BRINP3: variants seen among roughly 807,000 people sequenced by gnomAD.
BRINP3 encodes BMP/retinoic acid inducible neural specific 3.
BRINP3 carries 19 observed loss-of-function variants against 71.0 expected under a neutral mutation model. That is an observed-to-expected ratio of 0.27 (90% CI 0.19 to 0.39). BRINP3 has a LOEUF of 0.39. BRINP3 is among the 10% of genes least tolerant of loss of function. The probability of loss-of-function intolerance (pLI) is 1.00; values close to 1 mark genes in which losing one functional copy is unlikely to be tolerated. For synonymous variants in BRINP3, 380 were observed against 337.7 expected, an observed-to-expected ratio of 1.13 and a Z score of -1.37; for missense variants, 959 against 940.8, an observed-to-expected ratio of 1.02 and a Z score of -0.25.
Position 190,098,973 on chromosome 1 carries a change from C to T in BRINP3, c.1346G>A (p.Cys449Tyr), listed in dbSNP as rs1167226985. 6.2e-7 allele frequency: 1 copy of T among 1,614,144 alleles called. No individual in the cohort carries two copies. ...GCGGTTGTCTGGTGCGCATGTCAGG[C>T]AGGCAGAGGCGTCTCCCACTGTGCA... ...LPCTVGDASA[C>Y]LTCAPDNRTR... Residue 449 changes from cysteine to tyrosine, a missense_variant, in exon 8 of 8, where the codon TGC becomes TAC. Physicochemically the swap from Cys to Tyr is radical, Grantham distance 194 (BLOSUM62 -2). Coordinates refer to ENST00000367462, the MANE Select transcript of BRINP3 (RefSeq NM_199051.3).
chr1:190,215,175 A>AT (rs1310528075), intron 6 of BRINP3, among the ~76,000 whole-genome samples: 1 of 151,440 alleles, frequency 6.6e-6, no homozygotes, highest in South Asian at 2.1e-4. Flanking sequence ...CATTGACCTG[A>AT]TTTTTTATAT....
At chr1:190,166,958 C>T (rs1340718934) in intron 6 of BRINP3, among the ~76,000 whole-genome samples, 1 of 152,030 alleles carries the variant, frequency 6.6e-6, no homozygotes, top group Non-Finnish European at 1.5e-5. Flanking sequence ...CTCCTGACCT[C>T]GGGTGATCTG....
At chr1:190,243,187 A>G (rs1285847533) in intron 4 of BRINP3, among the ~76,000 whole-genome samples, 1 of 152,118 alleles carries the variant, frequency 6.6e-6, no homozygotes, top group Non-Finnish European at 1.5e-5. Context: ...AATAAGCAAA[A>G]CTGGACACAA....
chr1:190,393,529 G>C (rs745357816), intron 2 of BRINP3, among the ~76,000 whole-genome samples: 1 of 151,298 alleles, frequency 6.6e-6, no homozygotes, highest in Non-Finnish European at 1.5e-5. Context: ...ATATAACAAC[G>C]GTGAATGGAA....
intron 6 of BRINP3, among the ~76,000 whole-genome samples, chr1:190,164,555 C>A (rs1651310861): frequency 6.6e-6 from 1 of 151,922 alleles, no homozygotes; most frequent in African/African-American, 2.4e-5. Context: ...ATTATCAATA[C>A]ACCAAGTACA....
intron 2 of BRINP3, among the ~76,000 whole-genome samples, chr1:190,352,435 T>A (rs886368458): frequency 2.0e-5 from 3 of 151,910 alleles, no homozygotes; most frequent in Admixed American, 2.0e-4. Context: ...AAAGACAGTA[T>A]CACACAAAGT....
At position 190,453,201 on chromosome 1, in the gene BRINP3, G is replaced by GT. The variant is rs745819844; in HGVS notation, c.236+1453dup. On this transcript the variant is annotated intron_variant, in intron 2 of 7. Transcript: ENST00000367462. ...CTACTTTTCAGAAAGAAAAACTTTA[G>GT]TATTTTTTTTTTTTTTTTTTTTTTT... Among the ~76,000 whole-genome samples the GT allele has an allele frequency of 8.7e-3, 328 of 37,866 alleles. 30 individuals carry two copies. Among genetic ancestry groups the GT allele is most frequent in the Middle Eastern group, 0.023 (1 of 44 alleles). 24.8% of individuals were successfully genotyped at this position (37,866 alleles called of 152,430 possible).
intron 1 of BRINP3, among the ~76,000 whole-genome samples, chr1:190,460,857 G>C (rs1001772755): frequency 6.6e-6 from 1 of 152,016 alleles, no homozygotes; most frequent in African/African-American, 2.4e-5. Flanking sequence ...CTGTCCTCAA[G>C]TTCTGTACAT....
At chr1:190,298,122 G>A (rs1359505426) in intron 2 of BRINP3, among the ~76,000 whole-genome samples, 1 of 151,994 alleles carries the variant, frequency 6.6e-6, no homozygotes, top group African/African-American at 2.4e-5. Flanking sequence ...AGTGTATAGA[G>A]TTTTCACGGT....
At chr1:190,412,387 T>C (rs1285532227) in intron 2 of BRINP3, among the ~76,000 whole-genome samples, 1 of 63,020 alleles carries the variant, frequency 1.6e-5, no homozygotes, top group African/African-American at 4.8e-5. Context: ...AGAAAAGATA[T>C]ATATATATTA....
At chr1:190,462,776 T>C (rs1040933274) in intron 1 of BRINP3, among the ~76,000 whole-genome samples, 1 of 152,088 alleles carries the variant, frequency 6.6e-6, no homozygotes, top group Non-Finnish European at 1.5e-5. Context: ...TGTACTCTAC[T>C]GTAACCTAAA....
chr1:190,224,494 T>C (rs1657161386), intron 6 of BRINP3, among the ~76,000 whole-genome samples: 1 of 151,864 alleles, frequency 6.6e-6, no homozygotes, highest in African/African-American at 2.4e-5. Context: ...AAATAAATTA[T>C]AGACTTAAAT....
At chr1:190,215,433 C>G (rs921637638) in intron 6 of BRINP3, among the ~76,000 whole-genome samples, 1 of 151,810 alleles carries the variant, frequency 6.6e-6, no homozygotes, top group African/African-American at 2.4e-5. Context: ...AGTTAAAATT[C>G]AAATATTTTA....
At chr1:190,260,724 A>T (rs1013178058) in intron 4 of BRINP3, among the ~76,000 whole-genome samples, 2 of 152,102 alleles carry the variant, frequency 1.3e-5, no homozygotes, top group Non-Finnish European at 2.9e-5. Context: ...TAATTTCAGA[A>T]ATGTAAATTT....
chr1:190,399,763 C>T (rs1414309940), intron 2 of BRINP3, among the ~76,000 whole-genome samples: 1 of 151,940 alleles, frequency 6.6e-6, no homozygotes, highest in African/African-American at 2.4e-5. Flanking sequence ...GAAATTTAGT[C>T]TATTACAATT....
At chr1:190,402,722 C>T (rs755441494) in intron 2 of BRINP3, among the ~76,000 whole-genome samples, 1 of 152,082 alleles carries the variant, frequency 6.6e-6, no homozygotes, top group Non-Finnish European at 1.5e-5. Flanking sequence ...ATTTGTTCTT[C>T]ATTTATTTAT....
intron 7 of BRINP3, among the ~76,000 whole-genome samples, chr1:190,114,368 T>C (rs1652948448): frequency 6.6e-6 from 1 of 152,124 alleles, no homozygotes; most frequent in Non-Finnish European, 1.5e-5. Context: ...GTATTTATAA[T>C]AATGCAAGAA....
rs1671681023 is a variant in BRINP3 at position 190,397,881 on chromosome 1, T to C, written c.236+56774A>G. Among the ~76,000 whole-genome samples the C allele has an allele frequency of 2.0e-5, 3 of 152,010 alleles. No individual in the cohort carries two copies. The South Asian group carries it at 6.2e-4, about 31-fold the overall frequency. ...GTTGACATTTTTCTGAGTAATTATT[T>C]TACTCTGTGAAAAAATTCCCTAATC... On this transcript the variant is annotated intron_variant, in intron 2 of 7. Coordinates refer to ENST00000367462, the MANE Select transcript of BRINP3 (RefSeq NM_199051.3).
intron 2 of BRINP3, among the ~76,000 whole-genome samples, chr1:190,296,167 T>C (rs114847260): frequency 0.01 from 1,576 of 151,878 alleles, 25 homozygotes; most frequent in African/African-American, 0.035. Context: ...ATTCTTGAAG[T>C]TTTACAGTTT....
Sources: allele counts gnomAD v4.1 joint callset (sites outside exome capture counted in the v4.1 genomes callset), GRCh38; gene constraint gnomAD v4.1.1; transcripts MANE v1.5; gene names NCBI Gene and HGNC (gene_info 2026-07-23, HGNC 2026-07-21).